Variants in SCIN observed in about 807,000 individuals in gnomAD.
The protein encoded by SCIN is scinderin.
SCIN carries 91 observed loss-of-function variants against 91.8 expected under a neutral mutation model. That is an observed-to-expected ratio of 0.99 (90% confidence interval 0.84 to 1.18). The LOEUF is 1.18. SCIN is among the 50% of genes most tolerant of loss of function. The probability of loss-of-function intolerance (pLI) is 0.00; values close to 1 mark genes in which losing one functional copy is unlikely to be tolerated. For synonymous variants in SCIN, 367 were observed against 312.6 expected (o/e 1.17, Z -1.84); for missense variants, 1,087 against 863.9 (o/e 1.26, Z -3.24).
At position 12,626,626 on chromosome 7, in the gene SCIN, C is replaced by A. The variant is rs1399586243; in HGVS notation, c.1024C>A (p.Gln342Lys). ...AGGAGGTGAAACACCAATCTTCAAA[C>A]AGTTTTTTAAGGACTGGAGAGATAA... ...PEGGETPIFK[Q>K]FFKDWRDKDQ... The change falls in exon 8 of 16, where the codon CAG becomes AAG. Residue 342 changes from glutamine to lysine, a missense_variant. Gln to Lys is a moderately conservative substitution (Grantham distance 53). Coordinates refer to ENST00000297029, the MANE Select transcript of SCIN (RefSeq NM_001112706.3). The A allele has an allele frequency of 1.3e-6, 2 of 1,552,104 alleles. No individual in the cohort carries two copies. Among genetic ancestry groups the A allele is most frequent in the African/African-American group, 1.4e-5 (1 of 73,074 alleles).
At position 12,657,566 on chromosome 7, in the gene SCIN, ATATATATTTTTTTTTTT is replaced by A. The variant is rs1171418303; in HGVS notation, c.*4853_*4869del. ...TATATATATATATATATATATATAT[ATATATATTTTTTTTTTT>A]TTTTTTTTTTTTTTTGCATTGGCAA... On this transcript the variant is annotated 3_prime_UTR_variant, in exon 16 of 16. Coordinates refer to ENST00000297029, the MANE Select transcript of SCIN (RefSeq NM_001112706.3). 0.021 allele frequency: 493 copies of A among 23,440 alleles called. 1 individual carries two copies. The highest frequency in any genetic ancestry group is 0.035 in the Admixed American group (49 of 1,412). 1.5% of individuals were successfully genotyped at this position (23,440 alleles called of 1,614,324 possible).
intron 3 of SCIN, among the ~76,000 whole-genome samples, chr7:12,592,444 G>A (rs1049106489): frequency 6.6e-6 from 1 of 152,060 alleles, no homozygotes; most frequent in Non-Finnish European, 1.5e-5. Flanking sequence ...TTAGAGAGAT[G>A]GGGTATTGAG....
chr7:12,589,421 C>T (rs1259187169), intron 3 of SCIN: 1 of 152,158 alleles, frequency 6.6e-6, no homozygotes, highest in African/African-American at 2.4e-5. Context: ...GACGGGGTTT[C>T]ACCGTGTTAG....
At chr7:12,607,909 A>C (rs1364482121) in intron 4 of SCIN, among the ~76,000 whole-genome samples, 1 of 152,228 alleles carries the variant, frequency 6.6e-6, no homozygotes, top group East Asian at 1.9e-4. Context: ...TTGGTTGGGA[A>C]GAATTACAAC....
chr7:12,625,624 C>G, intron 6 of SCIN, 138 bp from the exon 7 acceptor site: 1 of 658,210 alleles, frequency 1.5e-6, no homozygotes, highest in South Asian at 2.1e-5. Flanking sequence ...CCACCGCACC[C>G]GGCCAATTTT....
intron 3 of SCIN, among the ~76,000 whole-genome samples, chr7:12,592,617 C>T (rs887358177): frequency 7.3e-5 from 11 of 150,936 alleles, no homozygotes; most frequent in African/African-American, 2.7e-4. Flanking sequence ...TTGAAGGGGG[C>T]AAGAAAAGGT....
At chr7:12,640,588 ATTAGACT>A (rs1783839415) in intron 11 of SCIN, 71 bp downstream of exon 11, 1 of 1,329,902 alleles carries the variant, frequency 7.5e-7, no homozygotes. Context: ...ATCAGCAAAT[ATTAGACT>A]TTAAAAACTT....
chr7:12,652,527 T>G, intron 15 of SCIN, 61 bp from the exon 16 acceptor site: 1 of 1,455,314 alleles, frequency 6.9e-7, no homozygotes, highest in Non-Finnish European at 9.4e-7. Flanking sequence ...ATTTTCAATC[T>G]GCAGTTACTT....
chr7:12,640,469 C>T lies in SCIN; in HGVS notation c.1533C>T (p.Arg511=). The change falls in exon 11 of 16, where the codon CGC becomes CGT. Residue 511 remains arginine (R), a synonymous_variant. Transcript: ENST00000297029. The part of the protein sequence containing the change: ...KGGQAPAPPT[R]LFQVRRNLAS... ...GTCAGGCACCTGCTCCCCCTACACG[C>T]CTCTTTCAAGTCCGGAGAAACCTGG... 1 of 1,612,960 alleles carries T rather than the reference C, an allele frequency of 6.2e-7. No individual in the cohort carries two copies. Among genetic ancestry groups the T allele is most frequent in the Non-Finnish European group, 8.5e-7 (1 of 1,179,454 alleles).
At chr7:12,634,029 C>G (rs1298425639) in intron 9 of SCIN, among the ~76,000 whole-genome samples, 1 of 151,368 alleles carries the variant, frequency 6.6e-6, no homozygotes, top group Non-Finnish European at 1.5e-5. Flanking sequence ...TTTTCTGGTC[C>G]AGTGGAAAAT....
chr7:12,597,552 G>A (rs764848682), intron 3 of SCIN, among the ~76,000 whole-genome samples: 1 of 152,162 alleles, frequency 6.6e-6, no homozygotes, highest in Non-Finnish European at 1.5e-5. Context: ...ATTGAGCATT[G>A]TTTTACTTTT....
At chr7:12,602,506 G>A (rs1782979047) in intron 3 of SCIN, among the ~76,000 whole-genome samples, 1 of 152,102 alleles carries the variant, frequency 6.6e-6, no homozygotes, top group South Asian at 2.1e-4. Flanking sequence ...AAGCCTGAGG[G>A]TACTCCAGGA....
At chr7:12,614,237 G>A (rs1421164158) in intron 4 of SCIN, among the ~76,000 whole-genome samples, 3 of 152,220 alleles carry the variant, frequency 2.0e-5, no homozygotes, top group Non-Finnish European at 4.4e-5. Flanking sequence ...TGAACTTCCT[G>A]TTCATTCCTT....
chr7:12,582,119 G>A (rs1156742990), intron 3 of SCIN, among the ~76,000 whole-genome samples: 1 of 152,164 alleles, frequency 6.6e-6, no homozygotes, highest in Non-Finnish European at 1.5e-5. Context: ...CATTGCTTCA[G>A]TTAGCATGAG....
intron 4 of SCIN, among the ~76,000 whole-genome samples, chr7:12,619,076 G>C (rs1783354570): frequency 6.6e-6 from 1 of 152,068 alleles, no homozygotes; most frequent in Non-Finnish European, 1.5e-5. Context: ...TACAGGTTCT[G>C]CCTCTCTCTC....
intron 3 of SCIN, among the ~76,000 whole-genome samples, chr7:12,601,251 G>T (rs1399256559): frequency 6.6e-6 from 1 of 152,140 alleles, no homozygotes; most frequent in Non-Finnish European, 1.5e-5. Flanking sequence ...GTTCAGAATG[G>T]TGCTTCCAGT....
Position 12,570,921 on chromosome 7 carries a change from C to T in SCIN, c.135C>T (p.Ala45=). ...SAHGDFYVGD[A]YLVLHTAKTS... ...ACGGCGACTTCTACGTCGGGGATGC[C>T]TACCTGGTGCTGCACACGGCCAAGA... The change falls in exon 1 of 16, where the codon GCC becomes GCT. Residue 45 remains alanine, a synonymous_variant. Transcript: ENST00000297029. 1 of 1,551,552 alleles carries T rather than the reference C, an allele frequency of 6.4e-7. No individual in the cohort carries two copies. The highest frequency in any genetic ancestry group is 8.7e-7 in the Non-Finnish European group (1 of 1,146,976).
At chr7:12,634,031 G>C (rs1204887802) in intron 9 of SCIN, among the ~76,000 whole-genome samples, 3 of 150,904 alleles carry the variant, frequency 2.0e-5, no homozygotes, top group Non-Finnish European at 4.4e-5. Context: ...TTCTGGTCCA[G>C]TGGAAAATTC....
intron 4 of SCIN, among the ~76,000 whole-genome samples, chr7:12,616,449 G>T (rs144722420): frequency 3.9e-5 from 6 of 152,174 alleles, no homozygotes; most frequent in Non-Finnish European, 8.8e-5. Context: ...TAGCAAGAAG[G>T]CCTCACCAGA....
Sources: allele counts gnomAD v4.1 joint callset (sites outside exome capture counted in the v4.1 genomes callset), GRCh38; gene constraint gnomAD v4.1.1; transcripts MANE v1.5; gene names NCBI Gene and HGNC (gene_info 2026-07-23, HGNC 2026-07-21).